Variants in RECK observed in about 807,000 individuals in gnomAD.
RECK encodes the protein reversion inducing cysteine rich protein with kazal motifs, also known as reversion-inducing cysteine-rich protein with Kazal motifs.
In RECK, 69 loss-of-function variants were observed where a neutral mutation model predicts 115.1. That is an observed-to-expected ratio of 0.60 (90% CI 0.49 to 0.73). RECK has a LOEUF of 0.73. RECK is among the 30% of genes least tolerant of loss of function. The pLI is 0.00. For missense variants in RECK, 1,047 were observed against 1,203.7 expected (o/e 0.87, Z 1.93); for synonymous variants, 414 against 419.7 (o/e 0.99, Z 0.17).
chr9:36,090,848 C>T, intron 9 of RECK, among the ~76,000 whole-genome samples: 1 of 151,528 alleles, frequency 6.6e-6, no homozygotes, highest in East Asian at 2.0e-4. Context: ...AAAAAGAAAT[C>T]AGAAAGATAT....
intron 1 of RECK, among the ~76,000 whole-genome samples, chr9:36,051,850 C>T (rs910588203): frequency 3.3e-5 from 5 of 152,162 alleles, no homozygotes; most frequent in African/African-American, 9.7e-5. Flanking sequence ...TCTATAGGAA[C>T]CTCAGATTCA....
intron 8 of RECK, among the ~76,000 whole-genome samples, chr9:36,084,182 C>T (rs143109486): frequency 4.0e-5 from 6 of 151,586 alleles, no homozygotes; most frequent in South Asian, 2.1e-4. Context: ...GATCGTTTTG[C>T]GCTCAGGAGT....
At chr9:36,096,295 G>A (rs1823336839) in intron 10 of RECK, among the ~76,000 whole-genome samples, 1 of 151,822 alleles carries the variant, frequency 6.6e-6, no homozygotes, top group Non-Finnish European at 1.5e-5. Flanking sequence ...CTAGCACTTT[G>A]GGAGGCCGAG....
intron 18 of RECK, 95 bp from the exon 19 acceptor site, chr9:36,120,568 C>T: frequency 9.9e-7 from 1 of 1,009,570 alleles, no homozygotes. Context: ...CTGTAACTCT[C>T]CTGCCCAAAA....
intron 9 of RECK, among the ~76,000 whole-genome samples, chr9:36,088,651 C>G (rs4879951): frequency 0.3 from 46,323 of 152,146 alleles, 8,429 homozygotes; most frequent in Middle Eastern, 0.47. Flanking sequence ...TTGGATGGAC[C>G]TTTAGCAAAA....
chr9:36,105,146 C>T lies in RECK; in HGVS notation c.1439C>T (p.Pro480Leu). The change falls in exon 13 of 21, where the codon CCA becomes CTA. Residue 480 changes from proline (P) to leucine (L), a missense_variant. Transcript: ENST00000377966. Reference protein sequence around the residue: ...NCIPLDTYLRPSTLGNIVEEV... With the variant: ...NCIPLDTYLRLSTLGNIVEEV... The stretch of plus-strand genomic sequence containing the variant: ...TAATCTGTTTTGGTTTTTTCAGGGC[C>T]AAGTACTTTAGGTAACATTGTAGAA... The T allele has an allele frequency of 1.2e-6, 2 of 1,613,366 alleles. No homozygotes were observed. The highest frequency in any genetic ancestry group is 2.2e-5 in the South Asian group (2 of 90,968).
intron 6 of RECK, among the ~76,000 whole-genome samples, chr9:36,078,892 G>A (rs199739502): frequency 6.6e-6 from 1 of 151,802 alleles, no homozygotes; most frequent in South Asian, 2.1e-4. Context: ...TTGTTTATTT[G>A]TTTATTTATT....
intron 1 of RECK, among the ~76,000 whole-genome samples, chr9:36,044,997 A>G (rs1821016711): frequency 6.6e-6 from 1 of 152,234 alleles, no homozygotes; most frequent in Non-Finnish European, 1.5e-5. Flanking sequence ...CAATTGACTT[A>G]ATATAATTGG....
chr9:36,102,730 C>T (rs560873021), intron 12 of RECK, among the ~76,000 whole-genome samples: 2 of 151,836 alleles, frequency 1.3e-5, no homozygotes, highest in Admixed American at 1.3e-4. Flanking sequence ...CTGAGGCAGG[C>T]GGATCACGAG....
intron 2 of RECK, among the ~76,000 whole-genome samples, chr9:36,057,250 G>A (rs533802442): frequency 6.6e-6 from 1 of 151,856 alleles, no homozygotes. Context: ...CCAGTATCAC[G>A]GGTTTGATGA....
intron 10 of RECK, among the ~76,000 whole-genome samples, chr9:36,099,850 A>G (rs989790385): frequency 2.0e-5 from 3 of 152,190 alleles, no homozygotes; most frequent in Non-Finnish European, 4.4e-5. Flanking sequence ...AGTTGCAGTC[A>G]GTAGGGAGGC....
At position 36,094,333 on chromosome 9, in the gene RECK, G is replaced by T. The variant is rs1345286742; in HGVS notation, c.1085+2990G>T. On this transcript the variant is annotated intron_variant, in intron 10 of 20. Coordinates refer to ENST00000377966, the MANE Select transcript of RECK (RefSeq NM_021111.3). This position sits in a 1 kb window ranked among gnomAD's most constrained non-coding sequence, Gnocchi z 4.1. Reference sequence around the variant, plus strand: ...CAGTAGCAAAAAGGATAAGAGAGAGGTAAATAATTATACCGTTATAAGTTT... The same window carrying T: ...CAGTAGCAAAAAGGATAAGAGAGAGTTAAATAATTATACCGTTATAAGTTT... Among the ~76,000 whole-genome samples, 4 of 151,876 alleles carry T rather than the reference G, an allele frequency of 2.6e-5. No individual in the cohort carries two copies. The highest frequency in any genetic ancestry group is 9.7e-5 in the African/African-American group (4 of 41,380).
Position 36,102,228 on chromosome 9 carries a change from T to G in RECK, c.1433T>G (p.Leu478Arg), listed in dbSNP as rs1302412301. 6.3e-7 allele frequency: 1 copy of G among 1,598,186 alleles called. No individual in the cohort carries two copies. Among genetic ancestry groups the G allele is most frequent in the African/African-American group, 1.3e-5 (1 of 74,108 alleles). The change falls in exon 12 of 21, where the codon CTC becomes CGC. Residue 478 changes from leucine (L) to arginine (R), a missense_variant and splice_region_variant. Transcript: ENST00000377966. ...AATTGTATACCTTTGGATACATACC[T>G]CAGTAAGTACTTTTTTGTATGTGTG... is the stretch of plus-strand genomic sequence containing the variant. ...LKNCIPLDTY[L>R]RPSTLGNIVE...
chr9:36,061,093 CT>C (rs1171261172), intron 4 of RECK, among the ~76,000 whole-genome samples: 1 of 152,074 alleles, frequency 6.6e-6, no homozygotes, highest in Non-Finnish European at 1.5e-5. Flanking sequence ...CACATTATAT[CT>C]TTCTTTCCTA....
chr9:36,118,812 G>A lies in RECK; in HGVS notation c.2309G>A (p.Ser770Asn). 1 of 1,614,192 alleles carries A rather than the reference G, an allele frequency of 6.2e-7. No homozygotes were observed. The highest frequency in any genetic ancestry group is 8.5e-7 in the Non-Finnish European group (1 of 1,180,040). ...GGGCACAATGGTGAGACCTACAGCA[G>A]TGTGTGTGCTGCCTACTCGGATCGC... ...VCGHNGETYS[S>N]VCAAYSDRVA... Residue 770 changes from serine (S) to asparagine (N), a missense_variant, in exon 18 of 21, where the codon AGT becomes AAT. Coordinates refer to ENST00000377966, the MANE Select transcript of RECK (RefSeq NM_021111.3).
intron 1 of RECK, among the ~76,000 whole-genome samples, chr9:36,040,644 A>G (rs1410509905): frequency 1.3e-5 from 2 of 151,996 alleles, no homozygotes; most frequent in Non-Finnish European, 2.9e-5. Context: ...GTAGTGGGGT[A>G]AGAGTATAAG....
At chr9:36,121,908 C>G (rs60756278) in intron 20 of RECK, among the ~76,000 whole-genome samples, 11,904 of 152,170 alleles carry the variant, frequency 0.078, 620 homozygotes, top group Non-Finnish European at 0.097. Flanking sequence ...CAGTGGGATG[C>G]AGAGGCACCA....
At chr9:36,043,700 G>T (rs1820972602) in intron 1 of RECK, among the ~76,000 whole-genome samples, 1 of 152,074 alleles carries the variant, frequency 6.6e-6, no homozygotes, top group South Asian at 2.1e-4. Flanking sequence ...TTTGTATGAC[G>T]TGAGAGATGA....
intron 8 of RECK, among the ~76,000 whole-genome samples, chr9:36,084,722 G>C (rs948550645): frequency 1.3e-5 from 2 of 148,980 alleles, no homozygotes; most frequent in Non-Finnish European, 3.0e-5. Context: ...GGGATGAAGG[G>C]AGGAAGGGAG....
Sources: allele counts gnomAD v4.1 joint callset (sites outside exome capture counted in the v4.1 genomes callset), GRCh38; gene constraint gnomAD v4.1.1; non-coding constraint Gnocchi (gnomAD v3.1); transcripts MANE v1.5; gene names NCBI Gene and HGNC (gene_info 2026-07-23, HGNC 2026-07-21).